EEFSEC: variants seen among roughly 807,000 people sequenced by gnomAD.
The protein encoded by EEFSEC is selenocysteine-specific elongation factor.
A neutral mutation model predicts 42.1 loss-of-function variants in EEFSEC; 43 were observed. The observed-to-expected ratio is 1.02, with a 90% CI of 0.80 to 1.32. EEFSEC has a LOEUF of 1.32. Among genes scored for constraint, EEFSEC ranks in the 40% most tolerant of loss-of-function variants. The pLI is 0.00. For missense variants in EEFSEC, 745 were observed against 803.6 expected (o/e 0.93, Z 0.88); for synonymous variants, 354 against 339.1 (o/e 1.04, Z -0.48).
chr3:128,350,162 T>TGGCTCCTGGCTCTGCCCCAC (rs2107577807), intron 5 of EEFSEC, among the ~76,000 whole-genome samples: 1 of 152,372 alleles, frequency 6.6e-6, no homozygotes, highest in South Asian at 2.1e-4. Context: ...CGCTGCCTCC[T>TGGCTCCTGGCTCTGCCCCAC]GGCTCCTGGC....
chr3:128,272,663 T>A (rs1002394467), intron 4 of EEFSEC, among the ~76,000 whole-genome samples: 3 of 152,176 alleles, frequency 2.0e-5, no homozygotes, highest in African/African-American at 7.2e-5. Context: ...CAAAATGGCA[T>A]CTCTTTCCTA....
chr3:128,341,102 C>T, intron 4 of EEFSEC, 131 bp from the exon 5 acceptor site: 1 of 1,115,436 alleles, frequency 9.0e-7, no homozygotes, highest in Non-Finnish European at 1.3e-6. Context: ...GGCCCCAGAC[C>T]CCCCTTGGCT....
At chr3:128,328,223 C>T (rs2067086703) in intron 4 of EEFSEC, among the ~76,000 whole-genome samples, 1 of 152,226 alleles carries the variant, frequency 6.6e-6, no homozygotes, top group South Asian at 2.1e-4. Flanking sequence ...GTCCAGCATG[C>T]TCACTGCTGA....
chr3:128,392,542 C>T (rs1452499661), intron 6 of EEFSEC, among the ~76,000 whole-genome samples: 2 of 152,208 alleles, frequency 1.3e-5, no homozygotes, highest in Admixed American at 6.5e-5. Flanking sequence ...TTCCATGGGC[C>T]GAGGCACGCG....
intron 4 of EEFSEC, among the ~76,000 whole-genome samples, chr3:128,332,562 C>T (rs2067145431): frequency 6.6e-6 from 1 of 152,206 alleles, no homozygotes; most frequent in African/African-American, 2.4e-5. Flanking sequence ...AGTGATTCTC[C>T]CACCCCAGCA....
intron 4 of EEFSEC, among the ~76,000 whole-genome samples, chr3:128,321,778 T>A (rs1559919294): frequency 6.6e-6 from 1 of 152,168 alleles, no homozygotes; most frequent in Non-Finnish European, 1.5e-5. Context: ...CTTGCCCCGA[T>A]GGAATGTCCA....
chr3:128,262,275 C>A lies in EEFSEC; in HGVS notation c.621+51C>A, dbSNP rs1381659253. ...CCCTTTAGCCCCAGCGCTGCTCAGGCCAGCCCCTTTGTGTCCCTCTCTCCC... is the reference window on the plus strand; with the variant it reads ...CCCTTTAGCCCCAGCGCTGCTCAGGACAGCCCCTTTGTGTCCCTCTCTCCC... On this transcript the variant is annotated intron_variant, in intron 3 of 6. Coordinates refer to ENST00000254730, the MANE Select transcript of EEFSEC (RefSeq NM_021937.5). The A allele has an allele frequency of 3.3e-6, 5 of 1,530,234 alleles. No individual in the cohort carries two copies. In the Admixed American group the frequency reaches 6.7e-5, roughly 21 times the overall value. 94.8% of individuals were successfully genotyped at this position (1,530,234 alleles called of 1,614,324 possible).
chr3:128,254,254 G>A (rs1328129147), intron 2 of EEFSEC, among the ~76,000 whole-genome samples: 1 of 152,216 alleles, frequency 6.6e-6, no homozygotes, highest in Non-Finnish European at 1.5e-5. Context: ...AACTCTAGAA[G>A]GGCATGTGAT....
At chr3:128,292,774 T>C (rs1467060313) in intron 4 of EEFSEC, among the ~76,000 whole-genome samples, 1 of 152,132 alleles carries the variant, frequency 6.6e-6, no homozygotes, top group East Asian at 1.9e-4. Context: ...TGATTTTTTT[T>C]CTTTTGTTTC....
At chr3:128,215,062 A>C (rs886479813) in intron 1 of EEFSEC, among the ~76,000 whole-genome samples, 3 of 152,214 alleles carry the variant, frequency 2.0e-5, no homozygotes, top group African/African-American at 7.2e-5. Context: ...ATTATACACC[A>C]ATATCCAGCC....
In EEFSEC at chr3:128,246,933, C is replaced by A; in HGVS notation, c.414C>A (p.Cys138Ter). The A allele has an allele frequency of 6.2e-7, 1 of 1,614,144 alleles. No homozygotes were observed. The highest frequency in any genetic ancestry group is 1.1e-5 in the South Asian group (1 of 91,080). ...AECLVIGQIA[C>*]QKLVVVLNKI... is the part of the protein sequence containing the mutation. ...GCCTTGTGATCGGCCAGATTGCCTG[C>A]CAGAAGCTGGTCGTGGTGCTGAACA... The change falls in exon 2 of 7, where the codon TGC becomes TGA. Residue 138 changes from cysteine to a stop codon, truncating the protein, a stop_gained. Coordinates refer to ENST00000254730, the MANE Select transcript of EEFSEC (RefSeq NM_021937.5). LOFTEE classifies it high-confidence loss of function.
chr3:128,381,724 G>A (rs2067778390), intron 6 of EEFSEC, among the ~76,000 whole-genome samples: 1 of 152,226 alleles, frequency 6.6e-6, no homozygotes, highest in African/African-American at 2.4e-5. Context: ...AAGAGGGCAG[G>A]TCTGACACGG....
At chr3:128,195,201 T>C (rs1246339444) in intron 1 of EEFSEC, among the ~76,000 whole-genome samples, 2 of 152,228 alleles carry the variant, frequency 1.3e-5, no homozygotes, top group Non-Finnish European at 2.9e-5. Flanking sequence ...TCTATGGCTT[T>C]AGGAGTTGAG....
At chr3:128,269,130 C>T (rs2066387870) in intron 4 of EEFSEC, among the ~76,000 whole-genome samples, 1 of 152,200 alleles carries the variant, frequency 6.6e-6, no homozygotes, top group Admixed American at 6.5e-5. Flanking sequence ...CATGCCCATC[C>T]CACAAGTGAG....
chr3:128,201,304 A>G (rs950155593), intron 1 of EEFSEC, among the ~76,000 whole-genome samples: 2 of 152,042 alleles, frequency 1.3e-5, no homozygotes, highest in Non-Finnish European at 2.9e-5. Flanking sequence ...GTACTAGGTA[A>G]TGAGTACACA....
At chr3:128,339,912 T>A (rs1318012285) in intron 4 of EEFSEC, among the ~76,000 whole-genome samples, 2 of 152,146 alleles carry the variant, frequency 1.3e-5, no homozygotes, top group East Asian at 1.9e-4. Flanking sequence ...TTTCCCCTTA[T>A]AAAACAATCA....
intron 4 of EEFSEC, among the ~76,000 whole-genome samples, chr3:128,266,556 G>C (rs2066356700): frequency 6.6e-6 from 1 of 151,768 alleles, no homozygotes; most frequent in South Asian, 2.1e-4. Flanking sequence ...CTCCTGACCA[G>C]AAAGGACAAA....
intron 4 of EEFSEC, among the ~76,000 whole-genome samples, chr3:128,272,863 C>A (rs1210971129): frequency 1.3e-5 from 2 of 152,160 alleles, no homozygotes; most frequent in African/African-American, 4.8e-5. Flanking sequence ...GCAGAATAGA[C>A]ATCAGGCAGG....
the EEFSEC span, among the ~76,000 whole-genome samples, chr3:128,421,837 C>T: frequency 6.6e-6 from 1 of 152,194 alleles, no homozygotes. Context: ...GGGTCTCAGC[C>T]CCGGTTACCC....
Sources: allele counts gnomAD v4.1 joint callset (sites outside exome capture counted in the v4.1 genomes callset), GRCh38; gene constraint gnomAD v4.1.1; transcripts MANE v1.5; gene names NCBI Gene and HGNC (gene_info 2026-07-23, HGNC 2026-07-21).